CYP2C19: variants seen among roughly 807,000 people sequenced by gnomAD.
CYP2C19 encodes cytochrome P450 family 2 subfamily C member 19.
A neutral mutation model predicts 40.9 loss-of-function variants in CYP2C19; 59 were observed. The ratio of observed to expected loss-of-function variants is 1.44; its 90% confidence interval spans 1.17 to 1.79. CYP2C19 has a LOEUF of 1.79. Among genes scored for constraint, CYP2C19 ranks in the 40% most tolerant of loss-of-function variants. The pLI, the probability that CYP2C19 is intolerant of heterozygous loss-of-function variation, is 0.00. For missense variants in CYP2C19, 754 were observed against 596.9 expected, an observed-to-expected ratio of 1.26 and a Z score of -2.74; for synonymous variants, 253 against 208.7, an observed-to-expected ratio of 1.21 and a Z score of -1.83.
chr10:94,820,202 A>C (rs1009859338), intron 5 of CYP2C19, among the ~76,000 whole-genome samples: 10 of 152,006 alleles, frequency 6.6e-5, no homozygotes, highest in African/African-American at 2.4e-4. Flanking sequence ...CCTTCATGCT[A>C]AAAACTCTCA....
chr10:94,840,559 C>G (rs917698519), intron 6 of CYP2C19, among the ~76,000 whole-genome samples: 1 of 152,086 alleles, frequency 6.6e-6, no homozygotes, highest in Non-Finnish European at 1.5e-5. Context: ...GAAGTAGATT[C>G]AGAGGTAAGG....
At chr10:94,766,532 T>C (rs1377991816) in intron 1 of CYP2C19, among the ~76,000 whole-genome samples, 1 of 152,094 alleles carries the variant, frequency 6.6e-6, no homozygotes, top group Non-Finnish European at 1.5e-5. Flanking sequence ...ATATGCTGCT[T>C]AATAATATGA....
At chr10:94,839,004 GT>G (rs909712330) in intron 6 of CYP2C19, among the ~76,000 whole-genome samples, 1 of 152,210 alleles carries the variant, frequency 6.6e-6, no homozygotes, top group African/African-American at 2.4e-5. Flanking sequence ...TCTTAGGGGT[GT>G]TTTTGCCTTG....
At chr10:94,835,845 AC>A (rs1411133809) in intron 6 of CYP2C19, among the ~76,000 whole-genome samples, 1 of 152,134 alleles carries the variant, frequency 6.6e-6, no homozygotes, top group Non-Finnish European at 1.5e-5. Flanking sequence ...CCAGCTGAGC[AC>A]TAGTTCCTGG....
chr10:94,771,618 G>A (rs1032215867), intron 1 of CYP2C19, among the ~76,000 whole-genome samples: 2 of 152,050 alleles, frequency 1.3e-5, no homozygotes, highest in Non-Finnish European at 2.9e-5. Flanking sequence ...GGCTTAGGAT[G>A]CATTTCAAGG....
intron 1 of CYP2C19, among the ~76,000 whole-genome samples, chr10:94,771,679 A>G (rs188557290): frequency 4.6e-5 from 7 of 152,078 alleles, no homozygotes; most frequent in African/African-American, 1.7e-4. Flanking sequence ...AAAACTCTCC[A>G]TGGTTTTGGT....
At position 94,800,864 on chromosome 10, in the gene CYP2C19, G is replaced by A. The variant is rs1049731716; in HGVS notation, c.819+18867G>A. On this transcript the variant is annotated intron_variant, in intron 5 of 8. Transcript: ENST00000371321. ...AATCTTCTAGTCTGCCTGTTGCTAAGACCATGGGAAAAGCACAGTATTTGA... is the reference window on the plus strand; with the variant it reads ...AATCTTCTAGTCTGCCTGTTGCTAAAACCATGGGAAAAGCACAGTATTTGA... Among the ~76,000 whole-genome samples the A allele has an allele frequency of 5.3e-5, 8 of 152,334 alleles. 1 individual carries two copies. The South Asian group carries it at 1.7e-3, about 32-fold the overall frequency.
chr10:94,829,497 C>T (rs989864620), intron 6 of CYP2C19, among the ~76,000 whole-genome samples: 1 of 152,198 alleles, frequency 6.6e-6, no homozygotes, highest in Admixed American at 6.5e-5. Flanking sequence ...CCTTGGTTTT[C>T]AGCTCCATAA....
chr10:94,839,410 A>G (rs772357307), intron 6 of CYP2C19, among the ~76,000 whole-genome samples: 1 of 152,186 alleles, frequency 6.6e-6, no homozygotes. Context: ...CTTGACCACA[A>G]AGAAAGGGGT....
chr10:94,816,341 A>G (rs1180709285), intron 5 of CYP2C19, among the ~76,000 whole-genome samples: 2 of 151,584 alleles, frequency 1.3e-5, no homozygotes, highest in African/African-American at 4.8e-5. Flanking sequence ...AGCCGGTATA[A>G]TTAGACAGTC....
At chr10:94,812,134 A>G (rs1848935404) in intron 5 of CYP2C19, among the ~76,000 whole-genome samples, 1 of 152,114 alleles carries the variant, frequency 6.6e-6, no homozygotes, top group South Asian at 2.1e-4. Context: ...TTGCCTATGA[A>G]GCTTAATTTA....
chr10:94,770,366 A>G (rs1000380233), intron 1 of CYP2C19, among the ~76,000 whole-genome samples: 1 of 152,070 alleles, frequency 6.6e-6, no homozygotes, highest in South Asian at 2.1e-4. Context: ...TGTAAACCAC[A>G]CTGATAACAA....
At chr10:94,852,283 G>A (rs12779363) in intron 8 of CYP2C19, among the ~76,000 whole-genome samples, 30,518 of 152,020 alleles carry the variant, frequency 0.2, 3,257 homozygotes, top group Middle Eastern at 0.23. Context: ...AAAATACTTA[G>A]CGGGAAAAAA....
At chr10:94,777,416 A>T (rs1252898714) in intron 3 of CYP2C19, among the ~76,000 whole-genome samples, 1 of 152,170 alleles carries the variant, frequency 6.6e-6, no homozygotes, top group African/African-American at 2.4e-5. Flanking sequence ...ACAAGGCTAC[A>T]GTAGCCAAAA....
At chr10:94,836,214 A>T (rs1849401155) in intron 6 of CYP2C19, among the ~76,000 whole-genome samples, 1 of 152,198 alleles carries the variant, frequency 6.6e-6, no homozygotes, top group African/African-American at 2.4e-5. Flanking sequence ...GGATGCCCAC[A>T]CAGTAAGATC....
At chr10:94,816,233 A>AT (rs11461829) in intron 5 of CYP2C19, among the ~76,000 whole-genome samples, 11,556 of 146,508 alleles carry the variant, frequency 0.079, 512 homozygotes, top group South Asian at 0.12. Context: ...ACCATACAGT[A>AT]TTTTTTCTTT....
At position 94,812,457 on chromosome 10, in the gene CYP2C19, C is replaced by G. The variant is rs1170441148; in HGVS notation, c.820-8039C>G. On this transcript the variant is annotated intron_variant, in intron 5 of 8. Coordinates refer to ENST00000371321, the MANE Select transcript of CYP2C19 (RefSeq NM_000769.4). ...TTGTGGAAGTTCTCCTGGATAATAT[C>G]CTGAAGAATGTTTTACAACTTGGTT... Among the ~76,000 whole-genome samples the G allele has an allele frequency of 2.0e-5, 3 of 152,080 alleles. No homozygotes were observed. In the East Asian group the frequency reaches 5.8e-4, roughly 29 times the overall value.
chr10:94,780,685 A>G, intron 4 of CYP2C19, 26 bp downstream of exon 4: 1 of 1,612,756 alleles, frequency 6.2e-7, no homozygotes, highest in Non-Finnish European at 8.5e-7. Context: ...TTGCTTCCTG[A>G]GAAACCACTT....
chr10:94,849,872 C>A lies in CYP2C19; in HGVS notation c.1150-45C>A. 2 of 1,610,596 alleles carry A rather than the reference C, an allele frequency of 1.2e-6. 1 individual carries two copies. ...TGATTACCACTGTTTCTTAAACCTTCGTGACTTCTTTACAGCTCAGTTCAC... is the reference window on the plus strand; with the variant it reads ...TGATTACCACTGTTTCTTAAACCTTAGTGACTTCTTTACAGCTCAGTTCAC... On this transcript the variant is annotated intron_variant, in intron 7 of 8. Transcript: ENST00000371321.
Sources: gnomAD v4.1 joint callset for allele counts (sites outside exome capture counted in the v4.1 genomes callset) on GRCh38, gnomAD v4.1.1 for gene constraint, MANE v1.5 for transcripts, NCBI Gene and HGNC (gene_info 2026-07-23, HGNC 2026-07-21) for gene names.